MYLK: variants seen among roughly 807,000 people sequenced by gnomAD.
The protein encoded by MYLK is myosin light chain kinase, smooth muscle.
Under a neutral mutation model 203.4 loss-of-function variants are expected in MYLK, and 106 were observed. The observed-to-expected ratio is 0.52, with a 90% confidence interval of 0.45 to 0.61. MYLK has a LOEUF of 0.61. Ranked by LOEUF, MYLK falls within the 20% of genes least tolerant of loss-of-function variation. The pLI is 0.00. For missense variants in MYLK, 2,072 were observed against 2,442.3 expected (o/e 0.85, Z 3.20); for synonymous variants, 867 against 959.5 (o/e 0.90, Z 1.78).
chr3:123,861,898 G>A (rs533384053), intron 2 of MYLK, among the ~76,000 whole-genome samples: 6 of 152,280 alleles, frequency 3.9e-5, no homozygotes, highest in Non-Finnish European at 8.8e-5. Flanking sequence ...GGGTTTCTGT[G>A]GGCCATCTGG....
intron 29 of MYLK, 102 bp downstream of exon 29, chr3:123,637,969 G>C: frequency 2.6e-6 from 4 of 1,551,518 alleles, no homozygotes; most frequent in Non-Finnish European, 2.6e-6. Flanking sequence ...TCCCCATCAT[G>C]ACAATGGCAG....
intron 4 of MYLK, among the ~76,000 whole-genome samples, chr3:123,779,417 A>G (rs2064206462): frequency 6.6e-6 from 1 of 152,134 alleles, no homozygotes; most frequent in African/African-American, 2.4e-5. Flanking sequence ...CAACTCTTCC[A>G]GGCTCATTTT....
intron 19 of MYLK, chr3:123,692,180 T>C (rs1326134168): frequency 3.4e-5 from 14 of 416,214 alleles, no homozygotes; most frequent in Non-Finnish European, 4.7e-5. Context: ...TTCTCCCCGA[T>C]GTGTCCTCCC....
chr3:123,746,044 G>A lies in MYLK; in HGVS notation c.374-6043C>T, dbSNP rs553008572. Among the ~76,000 whole-genome samples, 31 of 152,124 alleles carry A rather than the reference G, an allele frequency of 2.0e-4. No homozygotes were observed. In the South Asian group the frequency reaches 4.8e-3, roughly 23 times the overall value. On this transcript the variant is annotated intron_variant, in intron 5 of 33. Coordinates refer to ENST00000360304, the MANE Select transcript of MYLK (RefSeq NM_053025.4). Reference sequence around the variant, plus strand: ...GGCTAATTTTTATGTTTTTAGTAGAGACGGGTTTCACCATGTTGTCAGGCT... The same window carrying A: ...GGCTAATTTTTATGTTTTTAGTAGAAACGGGTTTCACCATGTTGTCAGGCT...
intron 3 of MYLK, among the ~76,000 whole-genome samples, chr3:123,827,981 T>A (rs2066190728): frequency 6.6e-6 from 1 of 151,274 alleles, no homozygotes; most frequent in Non-Finnish European, 1.5e-5. Context: ...ATGAAAGAGA[T>A]TGAAGAGGAT....
At chr3:123,637,338 C>T (rs1398479558) in intron 29 of MYLK, among the ~76,000 whole-genome samples, 2 of 152,106 alleles carry the variant, frequency 1.3e-5, no homozygotes, top group African/African-American at 4.8e-5. Context: ...AACCTAGAGC[C>T]TGTTAGAAAT....
chr3:123,741,214 G>A (rs748917793), intron 5 of MYLK, among the ~76,000 whole-genome samples: 2 of 152,242 alleles, frequency 1.3e-5, no homozygotes, highest in Non-Finnish European at 2.9e-5. Context: ...GACTGTGTAA[G>A]AACATAGGTG....
intron 2 of MYLK, among the ~76,000 whole-genome samples, chr3:123,868,118 A>G (rs954405207): frequency 5.9e-5 from 9 of 152,240 alleles, no homozygotes; most frequent in Admixed American, 6.5e-5. Flanking sequence ...TGACTGGTAT[A>G]TGCCCTCTGA....
intron 3 of MYLK, among the ~76,000 whole-genome samples, chr3:123,827,318 A>T (rs1159521897): frequency 1.3e-5 from 2 of 152,164 alleles, no homozygotes; most frequent in African/African-American, 4.8e-5. Context: ...CCCCAAATAG[A>T]TTAAACCCAA....
intron 3 of MYLK, among the ~76,000 whole-genome samples, chr3:123,820,644 C>CCCTCCTTCCTTCCCTCCT (rs1560259887): frequency 7.7e-5 from 2 of 26,066 alleles, no homozygotes; most frequent in Non-Finnish European, 2.1e-4. Context: ...CCTTCCTTCC[C>CCCTCCTTCCTTCCCTCCT]TCCTTCCTTC....
At position 123,610,919 on chromosome 3, in the gene MYLK, AT is replaced by A. The variant is rs1393286028; in HGVS notation, c.*3185del. On this transcript the variant is annotated 3_prime_UTR_variant, in exon 34 of 34. Transcript: ENST00000360304. Reference sequence around the variant, plus strand: ...AGTTGCATGTAGGAAATATCTTTTAATAAGATATGCAATGCAAGGAACAATC... The same window carrying A: ...AGTTGCATGTAGGAAATATCTTTTAAAAGATATGCAATGCAAGGAACAATC... The A allele has an allele frequency of 6.6e-6, 1 of 152,252 alleles. No homozygotes were observed. The highest frequency in any genetic ancestry group is 1.5e-5 in the Non-Finnish European group (1 of 68,048). The allele number at this position is 152,252 out of a possible 1,614,324, so 9.4% of individuals were successfully genotyped here. A position where few individuals can be genotyped will look rare whatever the true frequency, so the allele number is the denominator to read the frequency against.
rs528918753 is a variant in MYLK, at chr3:123,776,437, A to G, written c.165+17240T>C. On this transcript the variant is annotated intron_variant, in intron 4 of 33. Transcript: ENST00000360304. Reference sequence around the variant, plus strand: ...TCTCTTCTGCCAACTAATCAATCCCAAGGAAATAATATTAAATATGGAATT... The same window carrying G: ...TCTCTTCTGCCAACTAATCAATCCCGAGGAAATAATATTAAATATGGAATT... Among the ~76,000 whole-genome samples the G allele has an allele frequency of 3.3e-5, 5 of 152,340 alleles. No individual in the cohort carries two copies. In the South Asian group the frequency reaches 1.0e-3, roughly 32 times the overall value.
At chr3:123,647,174 C>A in intron 27 of MYLK, 50 bp downstream of exon 27, 1 of 1,572,168 alleles carries the variant, frequency 6.4e-7, no homozygotes, top group Middle Eastern at 2.0e-4. Context: ...AGGGGAGACA[C>A]GTTTGGGGGC....
chr3:123,801,250 G>A lies in MYLK; in HGVS notation c.-3-7406C>T, dbSNP rs78903281. On this transcript the variant is annotated intron_variant, in intron 3 of 33. Coordinates refer to ENST00000360304, the MANE Select transcript of MYLK (RefSeq NM_053025.4). ...TACAAAAATAACTTGGACCTCAAGG[G>A]ACCCTGGAAGAGTCTCAGGGACATC... 2.7e-3 allele frequency among the ~76,000 whole-genome samples: 406 copies of A among 152,282 alleles called. 8 individuals carry two copies. The highest frequency in any genetic ancestry group is 0.016 in the East Asian group (85 of 5,188).
chr3:123,704,746 A>C (rs147817516), intron 16 of MYLK, among the ~76,000 whole-genome samples: 1 of 78,082 alleles, frequency 1.3e-5, no homozygotes, highest in Non-Finnish European at 2.8e-5. Context: ...TACTAAAAAT[A>C]CAAAAAAAAA....
At chr3:123,870,224 T>C (rs776153211) in intron 2 of MYLK, among the ~76,000 whole-genome samples, 40 of 152,212 alleles carry the variant, frequency 2.6e-4, no homozygotes, top group Admixed American at 1.7e-3. Flanking sequence ...TAGAAAGCAA[T>C]GCCTCACAGA....
In MYLK at chr3:123,659,012, G is replaced by C. The variant is rs145991550; in HGVS notation, c.3986-1584C>G. Among the ~76,000 whole-genome samples, 881 of 152,342 alleles carry C rather than the reference G, an allele frequency of 5.8e-3. 12 individuals are homozygous for C. Among genetic ancestry groups the C allele is most frequent in the African/African-American group, 0.019 (788 of 41,578 alleles). On this transcript the variant is annotated intron_variant, in intron 23 of 33. Transcript: ENST00000360304. ...ATGCCAGAGGCCTCCTGTGATGGAA[G>C]CACTTTCACTGGCTGTTTAATATGT...
chr3:123,880,497 G>T (rs1475038613), intron 1 of MYLK, among the ~76,000 whole-genome samples: 1 of 152,194 alleles, frequency 6.6e-6, no homozygotes, highest in Non-Finnish European at 1.5e-5. Context: ...AGGTCTGAAA[G>T]AAAAGGAAAT....
chr3:123,868,854 A>C (rs983947442), intron 2 of MYLK, among the ~76,000 whole-genome samples: 2 of 152,222 alleles, frequency 1.3e-5, no homozygotes, highest in East Asian at 3.8e-4. Flanking sequence ...CCTATTTTAC[A>C]TGCCACGTTG....
Sources: allele counts gnomAD v4.1 joint callset (sites outside exome capture counted in the v4.1 genomes callset), GRCh38; gene constraint gnomAD v4.1.1; transcripts MANE v1.5; gene names NCBI Gene and HGNC (gene_info 2026-07-23, HGNC 2026-07-21).